RSF1: variants seen among roughly 807,000 people sequenced by gnomAD.
The protein encoded by RSF1 is HBV pX-associated protein 8.
A neutral mutation model predicts 145.2 loss-of-function variants in RSF1; 13 were observed. That is an observed-to-expected ratio of 0.09 (90% CI 0.06 to 0.14). The LOEUF is 0.14. Among genes scored for constraint, RSF1 ranks in the 10% least tolerant of loss-of-function variants. The probability of loss-of-function intolerance (pLI) is 1.00; values close to 1 mark genes in which losing one functional copy is unlikely to be tolerated. For missense variants in RSF1, 1,517 were observed against 1,718.2 expected (o/e 0.88, Z 2.07); for synonymous variants, 577 against 592.6 (o/e 0.97, Z 0.38).
chr11:77,787,224 C>T (rs182438202), intron 1 of RSF1, among the ~76,000 whole-genome samples: 5 of 152,244 alleles, frequency 3.3e-5, no homozygotes, highest in Admixed American at 3.3e-4. Flanking sequence ...GGCCTGCCCC[C>T]CAACAGCAAG....
At chr11:77,746,987 A>C (rs780593412) in intron 3 of RSF1, 49 bp downstream of exon 3, 7 of 1,231,318 alleles carry the variant, frequency 5.7e-6, no homozygotes, top group Non-Finnish European at 8.1e-6. Context: ...CAGGAGTCAA[A>C]AGTTAAATTT....
At chr11:77,788,576 C>A (rs1948484897) in intron 1 of RSF1, among the ~76,000 whole-genome samples, 1 of 147,590 alleles carries the variant, frequency 6.8e-6, no homozygotes, top group Non-Finnish European at 1.5e-5. Flanking sequence ...GGAAAAAAAA[C>A]TGCCTTAGTC....
At chr11:77,836,737 G>A in the RSF1 span, among the ~76,000 whole-genome samples, 3 of 152,194 alleles carry the variant, frequency 2.0e-5, no homozygotes, top group African/African-American at 4.8e-5. Flanking sequence ...AGGCCTAGGC[G>A]GGTGGATCGC....
intron 8 of RSF1, 48 bp downstream of exon 8, chr11:77,693,459 T>G: frequency 2.5e-6 from 3 of 1,206,528 alleles, no homozygotes; most frequent in Non-Finnish European, 3.7e-6. Flanking sequence ...CAGTTATTAA[T>G]TTGAATACAA....
At chr11:77,737,619 G>GTGTGTGTGT (rs1554991249) in intron 4 of RSF1, among the ~76,000 whole-genome samples, 2 of 102,304 alleles carry the variant, frequency 2.0e-5, no homozygotes, top group African/African-American at 3.7e-5. Flanking sequence ...TGTGTTTTGG[G>GTGTGTGTGT]GGGTGTGTGT....
chr11:77,714,393 T>C (rs1326083705), intron 5 of RSF1, among the ~76,000 whole-genome samples: 1 of 152,240 alleles, frequency 6.6e-6, no homozygotes, highest in Non-Finnish European at 1.5e-5. Context: ...AATTCATGAA[T>C]GATAAATTTT....
intron 6 of RSF1, among the ~76,000 whole-genome samples, chr11:77,700,303 A>G (rs947678876): frequency 7.4e-6 from 1 of 135,506 alleles, no homozygotes; most frequent in Non-Finnish European, 1.6e-5. Context: ...GTGAGCCGAG[A>G]TAGTGCCATT....
chr11:77,829,052 T>C, the RSF1 span, among the ~76,000 whole-genome samples: 1 of 152,204 alleles, frequency 6.6e-6, no homozygotes, highest in South Asian at 2.1e-4. Context: ...ATTCATATGT[T>C]GAAGCCCTAA....
At chr11:77,715,122 T>C (rs1250365874) in intron 5 of RSF1, among the ~76,000 whole-genome samples, 1 of 152,114 alleles carries the variant, frequency 6.6e-6, no homozygotes, top group Non-Finnish European at 1.5e-5. Context: ...AGACCTTATC[T>C]CTTAAAAAAA....
At chr11:77,669,367 CTT>C (rs1230635843) in intron 15 of RSF1, among the ~76,000 whole-genome samples, 1 of 152,184 alleles carries the variant, frequency 6.6e-6, no homozygotes, top group Non-Finnish European at 1.5e-5. Context: ...TCATATCACT[CTT>C]TTGCTCAAAA....
At chr11:77,680,120 C>T (rs1305775844) in intron 11 of RSF1, among the ~76,000 whole-genome samples, 1 of 152,016 alleles carries the variant, frequency 6.6e-6, no homozygotes, top group Non-Finnish European at 1.5e-5. Flanking sequence ...GGTGGGATTA[C>T]GGGCACACAA....
chr11:77,765,106 C>A (rs1948212525), intron 1 of RSF1, among the ~76,000 whole-genome samples: 1 of 150,884 alleles, frequency 6.6e-6, no homozygotes, highest in Non-Finnish European at 1.5e-5. Context: ...TTCTGTGAAC[C>A]TAAAATTGCT....
chr11:77,704,993 C>T lies in RSF1; in HGVS notation c.734-2498G>A, dbSNP rs187707562. ...CTCGAACTCCTGACTGCAGGTGATCCGCCCACCTTGGCCTCCCAAAATGCT... is the reference window on the plus strand; with the variant it reads ...CTCGAACTCCTGACTGCAGGTGATCTGCCCACCTTGGCCTCCCAAAATGCT... On this transcript the variant is annotated intron_variant, in intron 5 of 15. Coordinates refer to ENST00000308488, the MANE Select transcript of RSF1 (RefSeq NM_016578.4). 5.4e-4 allele frequency among the ~76,000 whole-genome samples: 82 copies of T among 152,192 alleles called. 1 individual carries two copies. In the East Asian group the frequency reaches 6.4e-3, roughly 12 times the overall value.
chr11:77,670,891 G>C (rs1024454131), intron 15 of RSF1, among the ~76,000 whole-genome samples: 2 of 151,550 alleles, frequency 1.3e-5, no homozygotes, highest in Admixed American at 1.3e-4. Flanking sequence ...CGGATAACCT[G>C]AGGTCAGGAG....
At chr11:77,809,522 G>A (rs1235571056) in intron 1 of RSF1, among the ~76,000 whole-genome samples, 37 of 152,100 alleles carry the variant, frequency 2.4e-4, no homozygotes, top group Admixed American at 2.4e-3. Context: ...AGAAGATAGG[G>A]TATAAAATGA....
chr11:77,749,837 C>T (rs1428179171), intron 2 of RSF1, among the ~76,000 whole-genome samples: 1 of 152,118 alleles, frequency 6.6e-6, no homozygotes, highest in Non-Finnish European at 1.5e-5. Context: ...CAACCTCTGC[C>T]TCCCAGGTTC....
At chr11:77,679,579 A>AAGAGGATTGCTTGAGCCCAAGAGGC (rs1959802388) in intron 11 of RSF1, among the ~76,000 whole-genome samples, 2 of 151,894 alleles carry the variant, frequency 1.3e-5, no homozygotes, top group Non-Finnish European at 2.9e-5. Context: ...GGGCCGAGAC[A>AAGAGGATTGCTTGAGCCCAAGAGGC]AGAGGATTGC....
At chr11:77,838,806 C>A in the RSF1 span, among the ~76,000 whole-genome samples, 1 of 151,772 alleles carries the variant, frequency 6.6e-6, no homozygotes, top group Non-Finnish European at 1.5e-5. Context: ...TTAGTAGAGA[C>A]GGAGTTTCAC....
At chr11:77,742,942 T>C (rs2135913274) in intron 3 of RSF1, among the ~76,000 whole-genome samples, 1 of 152,346 alleles carries the variant, frequency 6.6e-6, no homozygotes, top group Non-Finnish European at 1.5e-5. Context: ...AAGGGTCTAA[T>C]TTCATTCTCC....
Sources: gnomAD v4.1 joint callset for allele counts (sites outside exome capture counted in the v4.1 genomes callset) on GRCh38, gnomAD v4.1.1 for gene constraint, MANE v1.5 for transcripts, NCBI Gene and HGNC (gene_info 2026-07-23, HGNC 2026-07-21) for gene names.